Variants in DVL1 observed in about 807,000 individuals in gnomAD.
DVL1 encodes segment polarity protein dishevelled homolog DVL-1.
In DVL1, 49 loss-of-function variants were observed where a neutral mutation model predicts 65.0. That is an observed-to-expected ratio of 0.75 (90% confidence interval 0.60 to 0.96). The LOEUF (loss-of-function observed/expected upper bound fraction) is 0.96, where lower values mean the gene tolerates loss of function less well. Among genes scored for constraint, DVL1 ranks in the 40% least tolerant of loss-of-function variants. The probability of loss-of-function intolerance (pLI) is 0.00; values close to 1 mark genes in which losing one functional copy is unlikely to be tolerated. For missense variants in DVL1, 1,197 were observed against 1,045.4 expected (o/e 1.15, Z -2.00); for synonymous variants, 608 against 433.9 (o/e 1.40, Z -4.99).
intron 14 of DVL1, chr1:1,337,590 C>G (rs1643620896): frequency 2.5e-6 from 1 of 399,084 alleles, no homozygotes; most frequent in Non-Finnish European, 4.8e-6. Flanking sequence ...CTGCCTCTAC[C>G]ATAGGAGAAC....
chr1:1,345,615 C>T (rs528114288), intron 1 of DVL1, among the ~76,000 whole-genome samples: 1 of 152,286 alleles, frequency 6.6e-6, no homozygotes, highest in Non-Finnish European at 1.5e-5. Context: ...GTGTGCTGCC[C>T]CCACAGACCC....
intron 14 of DVL1, among the ~76,000 whole-genome samples, chr1:1,336,827 C>CCCCT (rs1643594200): frequency 6.6e-6 from 1 of 152,156 alleles, no homozygotes; most frequent in South Asian, 2.1e-4. Flanking sequence ...CCAGCGAGGG[C>CCCCT]CCCTCATGCC....
chr1:1,341,786 G>A lies in DVL1; in HGVS notation c.486C>T (p.His162=), dbSNP rs766196521. 7 of 1,595,710 alleles carry A rather than the reference G, an allele frequency of 4.4e-6. No homozygotes were observed. The highest frequency in any genetic ancestry group is 1.7e-4 in the Middle Eastern group (1 of 6,028). ...NREEAARTNG[H]PRGDRRRDVG... is the part of the protein sequence containing the mutation. ...CATCCCGCCGTCGGTCTCCCCTTGGGTGCCCATTGGTCCGGGCGGCTGTGG... is the reference window on the plus strand; with the variant it reads ...CATCCCGCCGTCGGTCTCCCCTTGGATGCCCATTGGTCCGGGCGGCTGTGG... The change falls in exon 5 of 15, where the codon CAC becomes CAT. Residue 162 remains histidine (H), a synonymous_variant. Coordinates refer to ENST00000378888, the MANE Select transcript of DVL1 (RefSeq NM_001330311.2).
chr1:1,338,443 G>C lies in DVL1; in HGVS notation c.1340-7C>G, dbSNP rs747707366. Reference sequence around the variant, plus strand: ...CAGTCCACCACGTCCGCCCCTGGCCGGCACCAGCGGTCAGCCCGCAGCCTC... The same window carrying C: ...CAGTCCACCACGTCCGCCCCTGGCCCGCACCAGCGGTCAGCCCGCAGCCTC... On this transcript the variant is annotated splice_polypyrimidine_tract_variant and splice_region_variant and intron_variant, in intron 12 of 14. Transcript: ENST00000378888. 4.4e-6 allele frequency: 7 copies of C among 1,608,938 alleles called. No homozygotes were observed. The East Asian group carries it at 1.3e-4, about 31-fold the overall frequency.
rs373403505 is a variant in DVL1, at chr1:1,336,127, G to C, written c.*15C>G. 22 of 1,570,450 alleles carry C rather than the reference G, an allele frequency of 1.4e-5. No individual in the cohort carries two copies. The African/African-American group carries it at 2.4e-4, about 17-fold the overall frequency. On this transcript the variant is annotated 3_prime_UTR_variant, in exon 15 of 15. Transcript: ENST00000378888. ...AGCTCCCCACCTCAGGCAGGGCTGG[G>C]GCATGCGCCACGAGTCACATGATGT...
chr1:1,342,403 G>T lies in DVL1; in HGVS notation c.322C>A (p.Arg108=). 1 of 1,596,554 alleles carries T rather than the reference G, an allele frequency of 6.3e-7. No individual in the cohort carries two copies. The highest frequency in any genetic ancestry group is 1.7e-5 in the Admixed American group (1 of 58,368). Residue 108 remains arginine (R), a synonymous_variant, in exon 3 of 15, where the codon CGG becomes AGG. Transcript: ENST00000378888. The stretch of plus-strand genomic sequence containing the variant: ...CGGGAGTCCCCGATGCCGCCTGTCC[G>T]CTCAAGAGGCGGGGGCAGGTCTGTG... The part of the protein sequence containing the change: ...SHTDLPPPLE[R]TGGIGDSRPP...
chr1:1,336,585 C>G (rs1051400196), intron 14 of DVL1, 70 bp from the exon 15 acceptor site: 1 of 1,461,816 alleles, frequency 6.8e-7, no homozygotes, highest in Non-Finnish European at 8.9e-7. Context: ...AACAACCGCC[C>G]CCGCCAGGTG....
intron 2 of DVL1, 59 bp downstream of exon 2, chr1:1,342,630 G>T: frequency 6.2e-7 from 1 of 1,600,544 alleles, no homozygotes; most frequent in Non-Finnish European, 8.5e-7. Flanking sequence ...CCCCCAGGAA[G>T]AGCCCCACCC....
Position 1,340,117 on chromosome 1 carries a change from C to T in DVL1, c.830G>A (p.Gly277Asp), listed in dbSNP as rs762764492. Reference sequence around the variant, plus strand: ...CTTCATGATGGAGCCAATGTAGATGCCGCCGTCTCCACGGTCGTTGCTCTG... The same window carrying T: ...CTTCATGATGGAGCCAATGTAGATGTCGCCGTCTCCACGGTCGTTGCTCTG... ...VGQSNDRGDGGIYIGSIMKGG... is the reference protein window; with the variant it reads ...VGQSNDRGDGDIYIGSIMKGG... Residue 277 changes from glycine to aspartate, a missense_variant, in exon 8 of 15, where the codon GGC becomes GAC. Transcript: ENST00000378888. 33 of 1,613,326 alleles carry T rather than the reference C, an allele frequency of 2.0e-5. No homozygotes were observed.
intron 2 of DVL1, 86 bp from the exon 3 acceptor site, chr1:1,342,570 G>A: frequency 6.4e-7 from 1 of 1,574,292 alleles, no homozygotes; most frequent in Non-Finnish European, 8.6e-7. Flanking sequence ...GGGCCAGCAA[G>A]CTGCCCTATC....
chr1:1,336,434 C>T lies in DVL1; in HGVS notation c.1796G>A (p.Gly599Asp), dbSNP rs753145330. Residue 599 changes from glycine to aspartate, a missense_variant, in exon 15 of 15, where the codon GGC (glycine) becomes GAC (aspartate). By Grantham distance (94) the Gly-to-Asp change is moderately conservative. Coordinates refer to ENST00000378888, the MANE Select transcript of DVL1 (RefSeq NM_001330311.2). ...CGTGTGATCCGATTCACTGCCACTGCCCCCAGCTCCCGCCGCCCGACGCTC... is the reference window on the plus strand; with the variant it reads ...CGTGTGATCCGATTCACTGCCACTGTCCCCAGCTCCCGCCGCCCGACGCTC... ...EKERRAAGAG[G>D]SGSESDHTAP... The T allele has an allele frequency of 2.3e-5, 36 of 1,585,552 alleles. No individual in the cohort carries two copies. In the South Asian group the frequency reaches 2.4e-4, roughly 10 times the overall value.
rs938550270 is a variant in DVL1, at chr1:1,335,926, G to C, written c.*216C>G. The C allele has an allele frequency of 4.8e-6, 3 of 626,146 alleles. No individual in the cohort carries two copies. 38.8% of individuals were successfully genotyped at this position (626,146 alleles called of 1,614,324 possible). ...GGTTGGGAGGTCCGAGGCTCTCGCTGAGGGGCAGAGAGGGAGCGCCCCCAA... is the reference window on the plus strand; with the variant it reads ...GGTTGGGAGGTCCGAGGCTCTCGCTCAGGGGCAGAGAGGGAGCGCCCCCAA... On this transcript the variant is annotated 3_prime_UTR_variant, in exon 15 of 15. Transcript: ENST00000378888.
chr1:1,343,609 G>A (rs2100756646), intron 1 of DVL1, among the ~76,000 whole-genome samples: 1 of 152,298 alleles, frequency 6.6e-6, no homozygotes, highest in South Asian at 2.1e-4. Context: ...CAGGCCCTGT[G>A]CCTGCCTGCC....
intron 13 of DVL1, 40 bp downstream of exon 13, chr1:1,338,229 T>TTGGCCCGCC: frequency 6.6e-7 from 1 of 1,522,372 alleles, no homozygotes; most frequent in Non-Finnish European, 9.0e-7. Context: ...CCTCCGGCGT[T>TTGGCCCGCC]CCCCTCCCCC....
In DVL1 at chr1:1,348,993, G is replaced by T. The variant is rs1305043922; in HGVS notation, c.73C>A (p.Pro25Thr). The change falls in exon 1 of 15, where the codon CCC becomes ACC. Residue 25 changes from proline to threonine, a missense_variant. Coordinates refer to ENST00000378888, the MANE Select transcript of DVL1 (RefSeq NM_001330311.2). ...AAGTCGGCCAGCGTGACGCGCTCGG[G>T]GGCCACGGGCAGCTTGACCAGGTAC... ...TPYLVKLPVA[P>T]ERVTLADFKN... is the part of the protein sequence containing the mutation. The T allele has an allele frequency of 6.3e-7, 1 of 1,578,024 alleles. No individual in the cohort carries two copies. Among genetic ancestry groups the T allele is most frequent in the Admixed American group, 1.7e-5 (1 of 58,186 alleles).
At chr1:1,342,005 T>A (rs1226125366) in intron 4 of DVL1, 48 bp downstream of exon 4, 1 of 1,503,366 alleles carries the variant, frequency 6.7e-7, no homozygotes, top group Non-Finnish European at 9.0e-7. Context: ...CTCATGGGGG[T>A]CCCAGGGAGG....
intron 1 of DVL1, 97 bp downstream of exon 1, chr1:1,348,799 G>A (rs1019165058): frequency 1.8e-6 from 2 of 1,086,398 alleles, no homozygotes; most frequent in African/African-American, 1.7e-5. Flanking sequence ...AGGTCCCCGG[G>A]GGCGCGAACG....
intron 1 of DVL1, among the ~76,000 whole-genome samples, chr1:1,343,951 G>A (rs886191969): frequency 1.3e-5 from 2 of 152,204 alleles, no homozygotes; most frequent in African/African-American, 2.4e-5. Context: ...CGGGGCAGAG[G>A]GCACCCAGGC....
intron 5 of DVL1, 64 bp downstream of exon 5, chr1:1,341,603 C>T (rs1395063811): frequency 6.8e-6 from 9 of 1,322,374 alleles, no homozygotes; most frequent in South Asian, 2.9e-5. Flanking sequence ...GACACATGCA[C>T]ATCATGTACA....
Sources: allele counts gnomAD v4.1 joint callset (sites outside exome capture counted in the v4.1 genomes callset), GRCh38; gene constraint gnomAD v4.1.1; transcripts MANE v1.5; gene names NCBI Gene and HGNC (gene_info 2026-07-23, HGNC 2026-07-21).